The following EYA1 variants were observed in gnomAD, a reference collection of about 807,000 sequenced individuals.
EYA1 encodes the protein protein phosphatase EYA1.
EYA1 carries 16 observed loss-of-function variants against 82.0 expected under a neutral mutation model. That is an observed-to-expected ratio of 0.20 (90% CI 0.13 to 0.30). The LOEUF (loss-of-function observed/expected upper bound fraction) is 0.30. EYA1 is among the 10% of genes least tolerant of loss of function. EYA1 has a pLI of 1.00. For missense variants in EYA1, 633 were observed against 730.7 expected (o/e 0.87, Z 1.54); for synonymous variants, 261 against 264.4 (o/e 0.99, Z 0.12).
chr8:71,245,918 A>T (rs139106081), intron 11 of EYA1, among the ~76,000 whole-genome samples: 1 of 152,254 alleles, frequency 6.6e-6, no homozygotes, highest in East Asian at 1.9e-4. Context: ...TAAAAATTCA[A>T]GTGTTGGACA....
chr8:71,271,129 T>C (rs983647206), intron 10 of EYA1, among the ~76,000 whole-genome samples: 1 of 152,120 alleles, frequency 6.6e-6, no homozygotes, highest in Non-Finnish European at 1.5e-5. Flanking sequence ...AAAAAGTGGA[T>C]TTTATTTATT....
At chr8:71,476,110 T>C (rs775249051) in intron 2 of EYA1, among the ~76,000 whole-genome samples, 2 of 152,194 alleles carry the variant, frequency 1.3e-5, no homozygotes, top group African/African-American at 4.8e-5. Context: ...TGTTCTTCTC[T>C]TCCTACATAT....
intron 2 of EYA1, among the ~76,000 whole-genome samples, chr8:71,508,363 T>A (rs1812349932): frequency 6.6e-6 from 1 of 152,056 alleles, no homozygotes; most frequent in South Asian, 2.1e-4. Flanking sequence ...AACCTCTGCC[T>A]CCCAGGTTCA....
chr8:71,436,861 A>G (rs1259449051), intron 2 of EYA1, among the ~76,000 whole-genome samples: 13 of 152,118 alleles, frequency 8.5e-5, no homozygotes, highest in Admixed American at 8.5e-4. Context: ...TCCTGCTTCA[A>G]GCACAGTATC....
intron 9 of EYA1, 24 bp downstream of exon 9, chr8:71,299,023 G>A (rs944455909): frequency 6.3e-7 from 1 of 1,599,248 alleles, no homozygotes; most frequent in African/African-American, 1.3e-5. Context: ...TCACCTGCAG[G>A]ACTAATAATA....
chr8:71,544,357 C>T (rs1357612052), intron 1 of EYA1, among the ~76,000 whole-genome samples: 2 of 152,160 alleles, frequency 1.3e-5, no homozygotes, highest in African/African-American at 4.8e-5. Context: ...TGGCAGATAG[C>T]CAATCTGCTT....
At chr8:71,295,967 T>C (rs756762995) in intron 9 of EYA1, among the ~76,000 whole-genome samples, 4 of 152,088 alleles carry the variant, frequency 2.6e-5, no homozygotes, top group Admixed American at 6.6e-5. Flanking sequence ...AGTTGAAGAG[T>C]AGGCATGAGT....
intron 3 of EYA1, among the ~76,000 whole-genome samples, chr8:71,343,432 T>C (rs932901936): frequency 8.5e-5 from 13 of 152,212 alleles, no homozygotes; most frequent in African/African-American, 3.1e-4. Flanking sequence ...CTCACGAATG[T>C]ATTAATCCAT....
chr8:71,237,733 A>G (rs1273823111), intron 12 of EYA1, among the ~76,000 whole-genome samples: 1 of 152,210 alleles, frequency 6.6e-6, no homozygotes, highest in African/African-American at 2.4e-5. Context: ...TGTGCTAGAG[A>G]AATTAGCAGT....
intron 7 of EYA1, among the ~76,000 whole-genome samples, chr8:71,312,036 A>T (rs761171302): frequency 6.6e-6 from 1 of 152,214 alleles, no homozygotes; most frequent in South Asian, 2.1e-4. Flanking sequence ...AAGGTTTGAC[A>T]GTGGCAAAAT....
At chr8:71,444,323 G>GT (rs530185937) in intron 2 of EYA1, among the ~76,000 whole-genome samples, 83 of 152,322 alleles carry the variant, frequency 5.4e-4, no homozygotes, top group Non-Finnish European at 1.0e-3. Flanking sequence ...AGAAAGACAT[G>GT]TGGGGACACA....
intron 3 of EYA1, among the ~76,000 whole-genome samples, chr8:71,351,356 C>T (rs1228022958): frequency 6.6e-6 from 1 of 152,198 alleles, no homozygotes; most frequent in Non-Finnish European, 1.5e-5. Flanking sequence ...CATATCACTT[C>T]TTACAGTGCT....
chr8:71,291,903 T>G (rs913178062), intron 9 of EYA1, among the ~76,000 whole-genome samples: 4 of 152,168 alleles, frequency 2.6e-5, no homozygotes, highest in African/African-American at 9.6e-5. Context: ...TATTTTATTA[T>G]GTATTGTGAT....
At chr8:71,400,622 A>G (rs1829904974) in intron 2 of EYA1, among the ~76,000 whole-genome samples, 1 of 152,116 alleles carries the variant, frequency 6.6e-6, no homozygotes, top group Non-Finnish European at 1.5e-5. Context: ...CATTTATTAA[A>G]AAGTCAAGAA....
chr8:71,391,180 G>C (rs1829260059), intron 2 of EYA1, among the ~76,000 whole-genome samples: 1 of 151,934 alleles, frequency 6.6e-6, no homozygotes. Context: ...ACAGGGTTTT[G>C]CCATGTTGGC....
chr8:71,283,450 G>A lies in EYA1; in HGVS notation c.827-11553C>T, dbSNP rs372721433. On this transcript the variant is annotated intron_variant, in intron 9 of 17. Coordinates refer to ENST00000340726, the MANE Select transcript of EYA1 (RefSeq NM_000503.6). Reference sequence around the variant, plus strand: ...TCCAATAGAATGTAAGTTCCCTGACGGCAGAGGCTTGATTTTTGCTCACTG... The same window carrying A: ...TCCAATAGAATGTAAGTTCCCTGACAGCAGAGGCTTGATTTTTGCTCACTG... Among the ~76,000 whole-genome samples the A allele has an allele frequency of 2.9e-3, 438 of 152,154 alleles. 4 individuals are homozygous for A. The highest frequency in any genetic ancestry group is 0.01 in the African/African-American group (425 of 41,508).
At chr8:71,395,921 T>C (rs536495586) in intron 2 of EYA1, among the ~76,000 whole-genome samples, 4 of 152,326 alleles carry the variant, frequency 2.6e-5, no homozygotes, top group African/African-American at 9.6e-5. Flanking sequence ...CATGTGATCC[T>C]GGACTTTTTT....
chr8:71,416,422 T>G (rs1242486008), intron 2 of EYA1, among the ~76,000 whole-genome samples: 1 of 152,222 alleles, frequency 6.6e-6, no homozygotes, highest in Non-Finnish European at 1.5e-5. Context: ...CTGCTGGGAT[T>G]CTAACTGATC....
intron 2 of EYA1, among the ~76,000 whole-genome samples, chr8:71,410,755 C>T (rs1830546080): frequency 6.6e-6 from 1 of 150,702 alleles, no homozygotes; most frequent in Non-Finnish European, 1.5e-5. Flanking sequence ...GAAGAACATT[C>T]CATGCTCATG....
Sources: allele counts gnomAD v4.1 joint callset (sites outside exome capture counted in the v4.1 genomes callset), GRCh38; gene constraint gnomAD v4.1.1; transcripts MANE v1.5; gene names NCBI Gene and HGNC (gene_info 2026-07-23, HGNC 2026-07-21).